The following IGF2BP3 variants were observed in gnomAD, a reference collection of about 807,000 sequenced individuals.
IGF2BP3 encodes the protein insulin like growth factor 2 mRNA binding protein 3.
A neutral mutation model predicts 73.8 loss-of-function variants in IGF2BP3; 9 were observed. The observed-to-expected ratio is 0.12, with a 90% CI of 0.07 to 0.21. The LOEUF (loss-of-function observed/expected upper bound fraction) is 0.21, where lower values mean the gene tolerates loss of function less well. Ranked by LOEUF, IGF2BP3 falls within the 10% of genes least tolerant of loss-of-function variation. The probability of loss-of-function intolerance (pLI) is 1.00; values close to 1 mark genes in which losing one functional copy is unlikely to be tolerated. For missense variants in IGF2BP3, 542 were observed against 714.0 expected (o/e 0.76, Z 2.75); for synonymous variants, 258 against 256.7 (o/e 1.01, Z -0.05).
intron 10 of IGF2BP3, among the ~76,000 whole-genome samples, chr7:23,337,787 C>T (rs993339464): frequency 2.4e-4 from 37 of 152,302 alleles, no homozygotes; most frequent in South Asian, 8.3e-4. Flanking sequence ...CTCCCACCTC[C>T]GCCTCCCCAG....
chr7:23,372,327 C>T (rs1473892439), intron 3 of IGF2BP3, among the ~76,000 whole-genome samples: 1 of 152,110 alleles, frequency 6.6e-6, no homozygotes, highest in Non-Finnish European at 1.5e-5. Flanking sequence ...CCCCCCCTGG[C>T]CTCCCAAAGT....
At chr7:23,330,981 T>C (rs902432820) in intron 10 of IGF2BP3, among the ~76,000 whole-genome samples, 5 of 151,272 alleles carry the variant, frequency 3.3e-5, no homozygotes, top group African/African-American at 4.9e-5. Context: ...TATTTTTTAG[T>C]AGAGATGGGG....
chr7:23,326,488 C>T (rs1784299260), intron 10 of IGF2BP3, among the ~76,000 whole-genome samples: 2 of 151,584 alleles, frequency 1.3e-5, no homozygotes, highest in Admixed American at 1.3e-4. Context: ...ACTAGTTCAA[C>T]CATTGTGGAA....
intron 3 of IGF2BP3, among the ~76,000 whole-genome samples, chr7:23,370,282 T>A (rs1466654336): frequency 6.6e-6 from 1 of 152,244 alleles, no homozygotes; most frequent in East Asian, 1.9e-4. Context: ...GTGATGTGAT[T>A]GTCAGGTGTG....
intron 3 of IGF2BP3, among the ~76,000 whole-genome samples, chr7:23,384,682 G>C (rs1413646628): frequency 2.0e-5 from 3 of 152,096 alleles, no homozygotes; most frequent in Non-Finnish European, 4.4e-5. Flanking sequence ...CTTGAACCCA[G>C]GAGTTCAAGA....
intron 2 of IGF2BP3, among the ~76,000 whole-genome samples, chr7:23,430,335 G>A (rs368117393): frequency 1.4e-4 from 22 of 152,280 alleles, no homozygotes; most frequent in Middle Eastern, 3.4e-3. Context: ...CGCCCGCCTC[G>A]GCGGGATTAC....
At chr7:23,370,497 C>G (rs1785510512) in intron 3 of IGF2BP3, among the ~76,000 whole-genome samples, 2 of 152,132 alleles carry the variant, frequency 1.3e-5, no homozygotes. Context: ...AAATGGGTTA[C>G]TCCTTCAATG....
intron 10 of IGF2BP3, among the ~76,000 whole-genome samples, chr7:23,326,818 C>T (rs922832470): frequency 7.1e-6 from 1 of 141,488 alleles, no homozygotes; most frequent in African/African-American, 2.6e-5. Flanking sequence ...ATCGCAAGAA[C>T]AAAAAACCAA....
At chr7:23,377,194 T>C (rs759859619) in intron 3 of IGF2BP3, among the ~76,000 whole-genome samples, 9 of 152,038 alleles carry the variant, frequency 5.9e-5, no homozygotes, top group East Asian at 1.9e-4. Context: ...TGCAAAGACA[T>C]AGATAATGGG....
In IGF2BP3 at chr7:23,339,872, A is replaced by T. The variant is rs544498678; in HGVS notation, c.1203+2192T>A. ...AACCAATCCTATGACACACACATAA[A>T]CTAGTGGACATGTTCAAAGTTAAGT... On this transcript the variant is annotated intron_variant, in intron 10 of 14. Transcript: ENST00000258729. Among the ~76,000 whole-genome samples, 14 of 152,330 alleles carry T rather than the reference A, an allele frequency of 9.2e-5. No individual in the cohort carries two copies. In the South Asian group the frequency reaches 2.9e-3, roughly 32 times the overall value.
intron 2 of IGF2BP3, among the ~76,000 whole-genome samples, chr7:23,465,934 T>C (rs1185337634): frequency 2.6e-5 from 4 of 151,954 alleles, no homozygotes; most frequent in African/African-American, 4.8e-5. Context: ...ATGAAAATGG[T>C]GGAACAGTCC....
intron 2 of IGF2BP3, among the ~76,000 whole-genome samples, chr7:23,434,184 G>A (rs935893992): frequency 3.3e-5 from 5 of 151,888 alleles, no homozygotes; most frequent in African/African-American, 1.2e-4. Flanking sequence ...AAGAAGAGGT[G>A]TTTTAAGATT....
At chr7:23,340,924 A>G (rs1428087988) in intron 10 of IGF2BP3, among the ~76,000 whole-genome samples, 2 of 145,836 alleles carry the variant, frequency 1.4e-5, no homozygotes, top group African/African-American at 5.1e-5. Flanking sequence ...ATCTCAGCTC[A>G]CTACCACCTC....
intron 2 of IGF2BP3, among the ~76,000 whole-genome samples, chr7:23,462,477 T>C (rs1388604528): frequency 6.6e-6 from 1 of 151,934 alleles, no homozygotes; most frequent in East Asian, 1.9e-4. Context: ...TTCTCCTGCC[T>C]CAGCCTACCG....
At chr7:23,314,572 G>A (rs1783925887) in intron 12 of IGF2BP3, among the ~76,000 whole-genome samples, 1 of 151,922 alleles carries the variant, frequency 6.6e-6, no homozygotes, top group Non-Finnish European at 1.5e-5. Context: ...CTCCCAAAGT[G>A]TTGGTATTAC....
At chr7:23,412,841 CCTTTTTT>C (rs1787067989) in intron 3 of IGF2BP3, among the ~76,000 whole-genome samples, 1 of 87,928 alleles carries the variant, frequency 1.1e-5, no homozygotes, top group Non-Finnish European at 2.1e-5. Context: ...AAGACTCTGG[CCTTTTTT>C]TTTTTTTTTT....
rs35723715 is a variant in IGF2BP3 at position 23,388,607 on chromosome 7, C to CTT, written c.286-26868_286-26867dup. On this transcript the variant is annotated intron_variant, in intron 3 of 14. Transcript: ENST00000258729. ...TATGCAGATGAGTGGTCTTCTCCAT[C>CTT]TTTTTTTTTTTTTTTTTTTTTCCAG... Among the ~76,000 whole-genome samples, 445 of 123,990 alleles carry CTT rather than the reference C, an allele frequency of 3.6e-3. 6 individuals carry two copies. The highest frequency in any genetic ancestry group is 0.026 in the Middle Eastern group (6 of 232). 81.3% of individuals were successfully genotyped at this position (123,990 alleles called of 152,430 possible). A position where few individuals can be genotyped will look rare whatever the true frequency, so the allele number is the denominator to read the frequency against.
At chr7:23,334,581 C>A (rs190607356) in intron 10 of IGF2BP3, among the ~76,000 whole-genome samples, 1 of 152,196 alleles carries the variant, frequency 6.6e-6, no homozygotes, top group Non-Finnish European at 1.5e-5. Flanking sequence ...GTTGCATTGT[C>A]TGAACCTTTT....
intron 6 of IGF2BP3, 93 bp from the exon 7 acceptor site, chr7:23,347,827 T>C: frequency 6.8e-7 from 1 of 1,479,136 alleles, no homozygotes; most frequent in Non-Finnish European, 9.2e-7. Context: ...TCATAGGGCT[T>C]CAGGGCAAAG....
Sources: gnomAD v4.1 joint callset for allele counts (sites outside exome capture counted in the v4.1 genomes callset) on GRCh38, gnomAD v4.1.1 for gene constraint, MANE v1.5 for transcripts, NCBI Gene and HGNC (gene_info 2026-07-23, HGNC 2026-07-21) for gene names.